The following SMARCE1 variants were observed in gnomAD, a reference collection of about 807,000 sequenced individuals.
The protein encoded by SMARCE1 is SWI/SNF related BAF chromatin remodeling complex subunit E1.
A neutral mutation model predicts 54.9 loss-of-function variants in SMARCE1; 13 were observed. That is an observed-to-expected ratio of 0.24 (90% CI 0.15 to 0.38). The LOEUF (loss-of-function observed/expected upper bound fraction) is 0.38. SMARCE1 is among the 10% of genes least tolerant of loss of function. The pLI, the probability that SMARCE1 is intolerant of heterozygous loss-of-function variation, is 1.00. For missense variants in SMARCE1, 295 were observed against 523.8 expected (o/e 0.56, Z 4.26); for synonymous variants, 151 against 175.3 (o/e 0.86, Z 1.10).
At chr17:40,644,365 G>A (rs2037231003) in intron 3 of SMARCE1, 1 of 151,720 alleles carries the variant, frequency 6.6e-6, no homozygotes, top group South Asian at 2.1e-4. Flanking sequence ...AAAATGGAAA[G>A]CAAAACATTA....
chr17:40,631,982 A>G (rs766321124), intron 8 of SMARCE1: 6 of 553,904 alleles, frequency 1.1e-5, no homozygotes, highest in Non-Finnish European at 1.6e-5. Flanking sequence ...CTTAACGAAT[A>G]TACTTTCCAT....
At chr17:40,644,515 A>G (rs534239428) in intron 3 of SMARCE1, 2 of 152,320 alleles carry the variant, frequency 1.3e-5, no homozygotes, top group African/African-American at 4.8e-5. Flanking sequence ...TAAGAAAGAA[A>G]ACAAAGCAAG....
intron 1 of SMARCE1, 89 bp from the exon 2 acceptor site, chr17:40,645,936 TG>T (rs1164598870): frequency 2.3e-6 from 1 of 436,832 alleles, no homozygotes; most frequent in African/African-American, 2.0e-5. Flanking sequence ...GTAATTTAAT[TG>T]GTATTTCTGA....
chr17:40,646,164 G>A (rs943273384), intron 1 of SMARCE1, among the ~76,000 whole-genome samples: 3 of 152,170 alleles, frequency 2.0e-5, no homozygotes, highest in African/African-American at 4.8e-5. Flanking sequence ...ACTGATACAA[G>A]GATGAGAATA....
chr17:40,635,640 G>A (rs1449248826), intron 7 of SMARCE1: 1 of 221,620 alleles, frequency 4.5e-6, no homozygotes, highest in African/African-American at 2.3e-5. Flanking sequence ...TTTAAAAGCA[G>A]ATGAGGCAAA....
Position 40,642,421 on chromosome 17 carries a change from G to T in SMARCE1, c.156+34C>A. The T allele has an allele frequency of 1.6e-6, 2 of 1,268,226 alleles. No homozygotes were observed. Among genetic ancestry groups the T allele is most frequent in the Non-Finnish European group, 2.3e-6 (2 of 864,364 alleles). 78.6% of individuals were successfully genotyped at this position (1,268,226 alleles called of 1,614,324 possible). A position where few individuals can be genotyped will look rare whatever the true frequency, so the allele number is the denominator to read the frequency against. ...AAGGCATTTCTGGTCAATTCCAGTT[G>T]TTTGCCGGATGCTGTAATAGTTGAT... On this transcript the variant is annotated intron_variant, in intron 4 of 10. Transcript: ENST00000348513. The surrounding 1 kb of genome is among the most constrained non-coding windows in gnomAD (Gnocchi z 4.6).
chr17:40,630,213 G>T (rs1169860972), intron 10 of SMARCE1: 1 of 1,461,678 alleles, frequency 6.8e-7, no homozygotes, highest in East Asian at 2.4e-5. Flanking sequence ...TTTACCTTGA[G>T]GGATGCTTTT....
Position 40,637,870 on chromosome 17 carries a change from C to T in SMARCE1, c.157-298G>A, listed in dbSNP as rs565485439. The T allele has an allele frequency of 1.9e-4, 70 of 377,888 alleles. 1 individual carries two copies. Among genetic ancestry groups the T allele is most frequent in the Non-Finnish European group, 3.3e-4 (65 of 199,626 alleles). 23.4% of individuals were successfully genotyped at this position (377,888 alleles called of 1,614,324 possible). A position where few individuals can be genotyped will look rare whatever the true frequency, so the allele number is the denominator to read the frequency against. ...TGAAAATATATGGTTATATATCAAC[C>T]GTCTCAAGTTCAGGACATTACCTGG... On this transcript the variant is annotated intron_variant, in intron 4 of 10. Transcript: ENST00000348513.
chr17:40,633,198 T>C (rs1167897415), intron 7 of SMARCE1: 3 of 152,110 alleles, frequency 2.0e-5, no homozygotes, highest in African/African-American at 4.8e-5. Flanking sequence ...TTAGTAGAGA[T>C]GGGATTTCAC....
At chr17:40,635,646 G>A in intron 7 of SMARCE1, 1 of 228,940 alleles carries the variant, frequency 4.4e-6, no homozygotes, top group Non-Finnish European at 8.4e-6. Flanking sequence ...AGCAGATGAG[G>A]CAAAATCCTG....
Position 40,645,821 on chromosome 17 carries a change from C to A in SMARCE1, c.-19G>T. On this transcript the variant is annotated 5_prime_UTR_variant, in exon 2 of 11. Transcript: ENST00000348513. The stretch of plus-strand genomic sequence containing the variant: ...TTGACATTTTGGAAGATTAAGTTCT[C>A]AGTTCCTTAAGAATGAATCTGAGAC... The A allele has an allele frequency of 2.8e-6, 3 of 1,076,972 alleles. No individual in the cohort carries two copies. Among genetic ancestry groups the A allele is most frequent in the South Asian group, 2.4e-5 (1 of 41,916 alleles). 66.7% of individuals were successfully genotyped at this position (1,076,972 alleles called of 1,614,324 possible).
At chr17:40,630,121 G>A in intron 10 of SMARCE1, 2 of 719,572 alleles carry the variant, frequency 2.8e-6, no homozygotes, top group Non-Finnish European at 4.8e-6. Context: ...CATGAGGTAA[G>A]GTGATCTCAA....
chr17:40,625,548 T>C lies in SMARCE1; in HGVS notation c.*3237A>G, dbSNP rs2037026708. 6.9e-6 allele frequency: 1 copy of C among 144,728 alleles called. No individual in the cohort carries two copies. The allele number at this position is 144,728 out of a possible 1,614,324, so 9.0% of individuals were successfully genotyped here. A position where few individuals can be genotyped will look rare whatever the true frequency, so the allele number is the denominator to read the frequency against. ...GGAAACTATTTCTGAAATGAGGACT[T>C]AAAGTATAATACCAGCTTCACTGCC... On this transcript the variant is annotated 3_prime_UTR_variant, in exon 11 of 11. Transcript: ENST00000348513.
intron 1 of SMARCE1, among the ~76,000 whole-genome samples, chr17:40,646,364 G>A (rs943302443): frequency 3.3e-5 from 5 of 152,146 alleles, no homozygotes; most frequent in African/African-American, 1.2e-4. Context: ...ATGGTAAATA[G>A]CTTCATAAAT....
Position 40,642,425 on chromosome 17 carries a change from G to T in SMARCE1, c.156+30C>A. 1 of 1,283,296 alleles carries T rather than the reference G, an allele frequency of 7.8e-7. No homozygotes were observed. The highest frequency in any genetic ancestry group is 1.1e-6 in the Non-Finnish European group (1 of 878,194). 79.5% of individuals were successfully genotyped at this position (1,283,296 alleles called of 1,614,324 possible). A position where few individuals can be genotyped will look rare whatever the true frequency, so the allele number is the denominator to read the frequency against. On this transcript the variant is annotated intron_variant, in intron 4 of 10. Coordinates refer to ENST00000348513, the MANE Select transcript of SMARCE1 (RefSeq NM_003079.5). This position sits in a 1 kb window ranked among gnomAD's most constrained non-coding sequence, Gnocchi z 4.6. ...CATTTCTGGTCAATTCCAGTTGTTT[G>T]CCGGATGCTGTAATAGTTGATTCTC...
intron 5 of SMARCE1, chr17:40,636,942 C>T (rs2037151758): frequency 6.5e-6 from 1 of 153,888 alleles, no homozygotes; most frequent in Admixed American, 6.4e-5. Context: ...AAAGGTTTAA[C>T]ATTTCTAGAT....
intron 7 of SMARCE1, chr17:40,635,090 C>T (rs2037132826): frequency 6.6e-6 from 1 of 151,210 alleles, no homozygotes. Flanking sequence ...TTATTGCTTC[C>T]TCCCTCATTG....
chr17:40,647,610 A>T (rs2037273887), intron 1 of SMARCE1, 163 bp downstream of exon 1: 1 of 152,674 alleles, frequency 6.5e-6, no homozygotes, highest in Admixed American at 6.5e-5. Flanking sequence ...CTCCCTCCCA[A>T]CCCTCGCTCT....
At chr17:40,629,568 C>A in intron 10 of SMARCE1, 1 of 1,196,440 alleles carries the variant, frequency 8.4e-7, no homozygotes. Flanking sequence ...TGGGCTGTTT[C>A]CTGTAAGAAA....
Sources: allele counts gnomAD v4.1 joint callset (sites outside exome capture counted in the v4.1 genomes callset), GRCh38; gene constraint gnomAD v4.1.1; non-coding constraint Gnocchi (gnomAD v3.1); transcripts MANE v1.5; gene names NCBI Gene and HGNC (gene_info 2026-07-23, HGNC 2026-07-21).